Variants in ZNF451 observed in about 807,000 individuals in gnomAD.
The protein encoded by ZNF451 is E3 SUMO-protein ligase ZNF451.
In ZNF451, 80 loss-of-function variants were observed where a neutral mutation model predicts 107.1. That is an observed-to-expected ratio of 0.75 (90% confidence interval 0.62 to 0.90). The LOEUF (loss-of-function observed/expected upper bound fraction) is 0.90. ZNF451 is among the 40% of genes least tolerant of loss of function. The pLI is 0.00. For synonymous variants in ZNF451, 362 were observed against 406.5 expected, an observed-to-expected ratio of 0.89 and a Z score of 1.32; for missense variants, 1,107 against 1,236.2, an observed-to-expected ratio of 0.90 and a Z score of 1.57.
Position 57,109,011 on chromosome 6 carries a change from C to G in ZNF451, c.186+9870C>G, listed in dbSNP as rs1829995428. 3 of 985,274 alleles carry G rather than the reference C, an allele frequency of 3.0e-6. No homozygotes were observed. In the South Asian group the frequency reaches 1.4e-4, roughly 46 times the overall value. 61.0% of individuals were successfully genotyped at this position (985,274 alleles called of 1,614,324 possible). A position where few individuals can be genotyped will look rare whatever the true frequency, so the allele number is the denominator to read the frequency against. Reference sequence around the variant, plus strand: ...TTACTTCTATGGTAAACTAATTTTACATACACAAATCTTTTCATTTTCTGA... The same window carrying G: ...TTACTTCTATGGTAAACTAATTTTAGATACACAAATCTTTTCATTTTCTGA... On this transcript the variant is annotated intron_variant, in intron 3 of 14. Transcript: ENST00000370706.
Position 57,141,825 on chromosome 6 carries a change from A to T in ZNF451, c.857-123A>T, listed in dbSNP as rs890385138. On this transcript the variant is annotated intron_variant, in intron 8 of 14. Transcript: ENST00000370706. The stretch of plus-strand genomic sequence containing the variant: ...AGAAAGTGGCTTCCCTTAGATTTTT[A>T]TTGCCAAAATAACTGTCTTCTTTTA... 7 of 852,380 alleles carry T rather than the reference A, an allele frequency of 8.2e-6. No individual in the cohort carries two copies. The African/African-American group carries it at 1.2e-4, about 14-fold the overall frequency. The allele number at this position is 852,380 out of a possible 1,614,324, so 52.8% of individuals were successfully genotyped here.
At chr6:57,130,422 C>T (rs187786025) in intron 5 of ZNF451, among the ~76,000 whole-genome samples, 91 of 152,220 alleles carry the variant, frequency 6.0e-4, no homozygotes, top group South Asian at 1.2e-3. Context: ...ATCTTTGCTG[C>T]GTCAGAATAT....
chr6:57,165,897 C>CCATAAAAAATGGTATA (rs1763874791), intron 14 of ZNF451: 1 of 152,150 alleles, frequency 6.6e-6, no homozygotes, highest in African/African-American at 2.4e-5. Context: ...AAGGTACTTA[C>CCATAAAAAATGGTATA]CCTGAATGGA....
chr6:57,165,866 T>C (rs1763873337), intron 14 of ZNF451: 1 of 152,110 alleles, frequency 6.6e-6, no homozygotes, highest in South Asian at 2.1e-4. Flanking sequence ...TAAAAATACA[T>C]AAAAAATGGT....
At chr6:57,119,386 G>C (rs1830525887) in intron 3 of ZNF451, among the ~76,000 whole-genome samples, 1 of 152,104 alleles carries the variant, frequency 6.6e-6, no homozygotes, top group South Asian at 2.1e-4. Flanking sequence ...AATTAGGTGG[G>C]TGGTGGCACG....
chr6:57,154,260 C>CT (rs1763291552), intron 13 of ZNF451: 1 of 601,428 alleles, frequency 1.7e-6, no homozygotes, highest in Non-Finnish European at 2.9e-6. Flanking sequence ...TTTTCTGGAG[C>CT]TTTTTTTGAT....
intron 2 of ZNF451, among the ~76,000 whole-genome samples, chr6:57,092,171 A>T (rs751472705): frequency 6.6e-6 from 1 of 152,216 alleles, no homozygotes; most frequent in Non-Finnish European, 1.5e-5. Flanking sequence ...TAGTAGAAAT[A>T]ATACTAGGAA....
chr6:57,121,499 T>C (rs942606260), intron 3 of ZNF451, among the ~76,000 whole-genome samples: 9 of 152,202 alleles, frequency 5.9e-5, no homozygotes, highest in Non-Finnish European at 1.2e-4. Context: ...GTCTTCTATC[T>C]GTGAACATGA....
chr6:57,150,883 A>G, intron 11 of ZNF451, 21 bp downstream of exon 11: 2 of 1,612,466 alleles, frequency 1.2e-6, no homozygotes, highest in East Asian at 2.2e-5. Context: ...TAAGAAAAAC[A>G]AAAGAAAACT....
chr6:57,152,926 TTTC>T (rs1832417584), intron 12 of ZNF451, among the ~76,000 whole-genome samples: 1 of 152,166 alleles, frequency 6.6e-6, no homozygotes, highest in African/African-American at 2.4e-5. Context: ...ATTAAGACAC[TTTC>T]ATATTTTAAT....
chr6:57,100,588 A>T (rs1414861194), intron 3 of ZNF451: 1 of 1,469,260 alleles, frequency 6.8e-7, no homozygotes, highest in East Asian at 2.5e-5. Context: ...TTTCTTGTTC[A>T]TGTGGATAAC....
Position 57,168,476 on chromosome 6 carries a change from A to T in ZNF451, c.*7A>T. 6.2e-7 allele frequency: 1 copy of T among 1,603,640 alleles called. No homozygotes were observed. The highest frequency in any genetic ancestry group is 8.5e-7 in the Non-Finnish European group (1 of 1,173,162). ...AAGTCTTGAGGAAATGTAATTAAAG[A>T]TATTACCACACAACATCAAGTGGCC... On this transcript the variant is annotated 3_prime_UTR_variant, in exon 15 of 15. Coordinates refer to ENST00000370706, the MANE Select transcript of ZNF451 (RefSeq NM_001031623.3).
chr6:57,126,719 G>T (rs1830945864), intron 4 of ZNF451: 1 of 152,142 alleles, frequency 6.6e-6, no homozygotes, highest in African/African-American at 2.4e-5. Flanking sequence ...TCAGTGGTTT[G>T]AGACAAGCTT....
chr6:57,090,487 C>G (rs1829014704), intron 1 of ZNF451, among the ~76,000 whole-genome samples: 1 of 128,618 alleles, frequency 7.8e-6, no homozygotes, highest in Non-Finnish European at 1.7e-5. Flanking sequence ...CCCTGGCGTT[C>G]GTTGTGGCCG....
At chr6:57,149,958 T>A (rs925577742) in intron 10 of ZNF451, among the ~76,000 whole-genome samples, 3 of 152,178 alleles carry the variant, frequency 2.0e-5, no homozygotes, top group Non-Finnish European at 4.4e-5. Context: ...GTAGTATATT[T>A]GAAGGAACTA....
chr6:57,129,081 A>C (rs924952768), intron 5 of ZNF451, among the ~76,000 whole-genome samples: 5 of 152,038 alleles, frequency 3.3e-5, no homozygotes, highest in African/African-American at 1.2e-4. Context: ...ATTAGATATT[A>C]CTCATTTATT....
At chr6:57,092,042 C>T (rs1829073736) in intron 2 of ZNF451, among the ~76,000 whole-genome samples, 1 of 152,136 alleles carries the variant, frequency 6.6e-6, no homozygotes, top group South Asian at 2.1e-4. Context: ...CCTGTCCTTT[C>T]CTTCACCATG....
chr6:57,118,869 C>T (rs1381866587), intron 3 of ZNF451, among the ~76,000 whole-genome samples: 5 of 152,180 alleles, frequency 3.3e-5, no homozygotes, highest in Non-Finnish European at 5.9e-5. Flanking sequence ...TTCTGAGGAC[C>T]TGCATTGCCC....
chr6:57,112,935 A>G (rs899441380), intron 3 of ZNF451, among the ~76,000 whole-genome samples: 5 of 152,210 alleles, frequency 3.3e-5, no homozygotes, highest in Non-Finnish European at 4.4e-5. Flanking sequence ...AAGTAGTACA[A>G]TGCTATGAGC....
Sources: allele counts gnomAD v4.1 joint callset (sites outside exome capture counted in the v4.1 genomes callset), GRCh38; gene constraint gnomAD v4.1.1; transcripts MANE v1.5; gene names NCBI Gene and HGNC (gene_info 2026-07-23, HGNC 2026-07-21).